Variants in ARHGAP26 observed in about 807,000 individuals in gnomAD.
ARHGAP26 encodes rho GTPase-activating protein 26.
ARHGAP26 carries 38 observed loss-of-function variants against 104.8 expected under a neutral mutation model. That is an observed-to-expected ratio of 0.36 (90% CI 0.28 to 0.48). The LOEUF (loss-of-function observed/expected upper bound fraction) is 0.48. Among genes scored for constraint, ARHGAP26 ranks in the 20% least tolerant of loss-of-function variants. The pLI is 0.99. For synonymous variants in ARHGAP26, 341 were observed against 340.0 expected (o/e 1.00, Z -0.03); for missense variants, 704 against 947.9 (o/e 0.74, Z 3.38).
intron 1 of ARHGAP26, among the ~76,000 whole-genome samples, chr5:142,858,094 T>TGTGTGTGTGTGTGA (rs1424264346): frequency 8.5e-4 from 108 of 127,248 alleles, no homozygotes; most frequent in East Asian, 4.2e-3. Context: ...TGTGTGTGTG[T>TGTGTGTGTGTGTGA]GAGAGAGAGA....
chr5:142,926,472 C>A (rs971555457), intron 10 of ARHGAP26, among the ~76,000 whole-genome samples: 2 of 152,188 alleles, frequency 1.3e-5, no homozygotes, highest in African/African-American at 4.8e-5. Context: ...AAGTCATTTG[C>A]TCCTTCTCTC....
intron 17 of ARHGAP26, among the ~76,000 whole-genome samples, chr5:143,088,872 G>A (rs761709052): frequency 1.3e-5 from 2 of 152,084 alleles, no homozygotes; most frequent in East Asian, 1.9e-4. Context: ...GTGGTTTGGC[G>A]GGAAAAATGG....
At chr5:143,056,310 A>T (rs963920820) in intron 16 of ARHGAP26, among the ~76,000 whole-genome samples, 8 of 147,576 alleles carry the variant, frequency 5.4e-5, no homozygotes, top group African/African-American at 2.0e-4. Flanking sequence ...CAGAAACTTC[A>T]GAAGTCTTTT....
chr5:143,144,744 G>A (rs1798961960), intron 19 of ARHGAP26, among the ~76,000 whole-genome samples: 3 of 152,178 alleles, frequency 2.0e-5, no homozygotes, highest in Admixed American at 2.0e-4. Context: ...TCCAAATGCT[G>A]TAAAATTTGT....
chr5:143,010,338 ACTCTGGGT>A (rs1169697607), intron 11 of ARHGAP26, among the ~76,000 whole-genome samples: 1 of 152,106 alleles, frequency 6.6e-6, no homozygotes, highest in Non-Finnish European at 1.5e-5. Flanking sequence ...CTGTGTAACC[ACTCTGGGT>A]CTCAGGTTCC....
Position 142,781,721 on chromosome 5 carries a change from C to CT in ARHGAP26, c.154+10814dup, listed in dbSNP as rs998749968. ...ATAGAGTGGAATGCAGAATTCATGG[C>CT]TTTTTTTTGAGATGGAGTCTCTCTC... On this transcript the variant is annotated intron_variant, in intron 1 of 22. Coordinates refer to ENST00000645722, the MANE Select transcript of ARHGAP26 (RefSeq NM_001135608.3). Among the ~76,000 whole-genome samples the CT allele has an allele frequency of 6.6e-5, 10 of 151,790 alleles. No homozygotes were observed. The South Asian group carries it at 1.0e-3, about 16-fold the overall frequency.
intron 20 of ARHGAP26, among the ~76,000 whole-genome samples, chr5:143,166,944 G>C (rs73290156): frequency 0.087 from 13,280 of 152,230 alleles, 745 homozygotes; most frequent in African/African-American, 0.15. Context: ...AATAATTGCT[G>C]ATGAGGCAAA....
rs1242929688 is a variant in ARHGAP26, at chr5:143,054,531, G to A, written c.1373+5G>A. 3.1e-6 allele frequency: 5 copies of A among 1,599,270 alleles called. No homozygotes were observed. In the South Asian group the frequency reaches 3.3e-5, roughly 11 times the overall value. On this transcript the variant is annotated splice_donor_5th_base_variant and intron_variant, in intron 15 of 22. Transcript: ENST00000645722. Reference sequence around the variant, plus strand: ...TGCTCTGAAGACCTACCTAAGGTAGGGACTTTCCATTTGCAAGGCAGAGTG... The same window carrying A: ...TGCTCTGAAGACCTACCTAAGGTAGAGACTTTCCATTTGCAAGGCAGAGTG...
At chr5:143,152,026 C>T (rs1253573931) in intron 20 of ARHGAP26, among the ~76,000 whole-genome samples, 1 of 152,058 alleles carries the variant, frequency 6.6e-6, no homozygotes, top group Non-Finnish European at 1.5e-5. Context: ...CTGGAACATG[C>T]AAAATTATGG....
rs1759909871 is a variant in ARHGAP26 at position 142,791,918 on chromosome 5, CACA to C, written c.154+21008_154+21010del. ...GGCGGAGGTTGCAGTGAGCCGAGAT[CACA>C]ACAAGAGCAAAACCCGTCTCAAAAA... is the stretch of plus-strand genomic sequence containing the variant. On this transcript the variant is annotated intron_variant, in intron 1 of 22. Coordinates refer to ENST00000645722, the MANE Select transcript of ARHGAP26 (RefSeq NM_001135608.3). Among the ~76,000 whole-genome samples the C allele has an allele frequency of 4.7e-5, 5 of 107,244 alleles. No individual in the cohort carries two copies. The South Asian group carries it at 1.6e-3, about 34-fold the overall frequency. The allele number at this position is 107,244 out of a possible 152,430, so 70.4% of individuals were successfully genotyped here.
chr5:142,864,235 C>T (rs1753861916), intron 1 of ARHGAP26, among the ~76,000 whole-genome samples: 1 of 152,134 alleles, frequency 6.6e-6, no homozygotes, highest in Non-Finnish European at 1.5e-5. Context: ...TAAATGTCGT[C>T]TTAACACACT....
At chr5:142,928,464 C>A (rs1562097010) in intron 10 of ARHGAP26, among the ~76,000 whole-genome samples, 1 of 152,134 alleles carries the variant, frequency 6.6e-6, no homozygotes. Context: ...TAATCCCGTG[C>A]AGGAGCTCAC....
At chr5:143,054,385 T>G (rs763483005) in intron 14 of ARHGAP26, 54 bp from the exon 15 acceptor site, 1 of 1,305,388 alleles carries the variant, frequency 7.7e-7, no homozygotes, top group South Asian at 1.3e-5. Flanking sequence ...TGTGTGCTTA[T>G]TTATTAGTTC....
At chr5:143,116,876 A>T (rs1795525948) in intron 17 of ARHGAP26, among the ~76,000 whole-genome samples, 1 of 152,134 alleles carries the variant, frequency 6.6e-6, no homozygotes, top group African/African-American at 2.4e-5. Flanking sequence ...TACCCCCAAC[A>T]ACTGCCCTGA....
Position 143,080,772 on chromosome 5 carries a change from A to G in ARHGAP26, c.1538+23025A>G, listed in dbSNP as rs545623812. On this transcript the variant is annotated intron_variant, in intron 17 of 22. Coordinates refer to ENST00000645722, the MANE Select transcript of ARHGAP26 (RefSeq NM_001135608.3). ...CCACTGGAGGGTTCTGAGGGTGTGA[A>G]TGGCACAATCTGTGGTGAGGGTGTT... Among the ~76,000 whole-genome samples the G allele has an allele frequency of 1.0e-3, 157 of 152,244 alleles. 1 individual carries two copies. The highest frequency in any genetic ancestry group is 3.7e-3 in the African/African-American group (155 of 41,534).
chr5:143,140,834 T>C (rs1798429495), intron 19 of ARHGAP26, among the ~76,000 whole-genome samples: 1 of 152,210 alleles, frequency 6.6e-6, no homozygotes, highest in Non-Finnish European at 1.5e-5. Flanking sequence ...TGAATAATTT[T>C]TTTAGTTCCG....
intron 20 of ARHGAP26, among the ~76,000 whole-genome samples, chr5:143,179,383 A>G (rs759529355): frequency 1.9e-4 from 29 of 152,348 alleles, no homozygotes; most frequent in Non-Finnish European, 3.8e-4. Flanking sequence ...AAGTGAAAAC[A>G]GGGACTGCAT....
At chr5:142,810,896 A>G (rs1467075641) in intron 1 of ARHGAP26, among the ~76,000 whole-genome samples, 1 of 152,238 alleles carries the variant, frequency 6.6e-6, no homozygotes, top group Non-Finnish European at 1.5e-5. Flanking sequence ...ATGCAAGGAC[A>G]TATACATACC....
At chr5:143,149,139 A>T (rs1799510656) in intron 20 of ARHGAP26, among the ~76,000 whole-genome samples, 1 of 152,118 alleles carries the variant, frequency 6.6e-6, no homozygotes. Flanking sequence ...CGCTCTGCCC[A>T]CTTCACACCA....
Sources: allele counts gnomAD v4.1 joint callset (sites outside exome capture counted in the v4.1 genomes callset), GRCh38; gene constraint gnomAD v4.1.1; transcripts MANE v1.5; gene names NCBI Gene and HGNC (gene_info 2026-07-23, HGNC 2026-07-21).